Variants in PTPN4 observed in about 807,000 individuals in gnomAD.
The protein encoded by PTPN4 is tyrosine-protein phosphatase non-receptor type 4.
A neutral mutation model predicts 135.5 loss-of-function variants in PTPN4; 49 were observed. That is an observed-to-expected ratio of 0.36 (90% CI 0.29 to 0.46). The LOEUF (loss-of-function observed/expected upper bound fraction) is 0.46. Ranked by LOEUF, PTPN4 falls within the 20% of genes least tolerant of loss-of-function variation. The probability of loss-of-function intolerance (pLI) is 1.00; values close to 1 mark genes in which losing one functional copy is unlikely to be tolerated. For missense variants in PTPN4, 860 were observed against 1,101.0 expected, an observed-to-expected ratio of 0.78 and a Z score of 3.10; for synonymous variants, 333 against 369.9, an observed-to-expected ratio of 0.90 and a Z score of 1.14.
intron 2 of PTPN4, among the ~76,000 whole-genome samples, chr2:119,860,783 G>C (rs1445765408): frequency 6.6e-6 from 1 of 152,162 alleles, no homozygotes. Flanking sequence ...GCTCACATCT[G>C]TAATCCCAGC....
chr2:119,928,811 G>A lies in PTPN4; in HGVS notation c.1070+2145G>A, dbSNP rs181795254. On this transcript the variant is annotated intron_variant, in intron 13 of 26. Coordinates refer to ENST00000263708, the MANE Select transcript of PTPN4 (RefSeq NM_002830.4). Reference sequence around the variant, plus strand: ...TAAACAGTGTAGAACGTGCGATGTGGTCACTAGTTGTATGCAGCATATCCT... The same window carrying A: ...TAAACAGTGTAGAACGTGCGATGTGATCACTAGTTGTATGCAGCATATCCT... 9.2e-5 allele frequency among the ~76,000 whole-genome samples: 14 copies of A among 152,038 alleles called. No individual in the cohort carries two copies. The East Asian group carries it at 1.9e-3, about 21-fold the overall frequency.
rs55911315 is a variant in PTPN4, at chr2:119,914,248, A to ATTTTTTTTTTT, written c.765-913_765-903dup. Reference sequence around the variant, plus strand: ...CATAAATACAGTCAATAGTTACTCAATTTTTTTTTTTTTTTTTTTTTTTTT... The same window carrying ATTTTTTTTTTT: ...CATAAATACAGTCAATAGTTACTCAATTTTTTTTTTTTTTTTTTTTTTTTTTTTTTTTTTTT... On this transcript the variant is annotated intron_variant, in intron 10 of 26. Coordinates refer to ENST00000263708, the MANE Select transcript of PTPN4 (RefSeq NM_002830.4). 3.5e-3 allele frequency among the ~76,000 whole-genome samples: 342 copies of ATTTTTTTTTTT among 97,370 alleles called. 38 individuals carry two copies. Among genetic ancestry groups the ATTTTTTTTTTT allele is most frequent in the African/African-American group, 0.019 (320 of 17,016 alleles). 63.9% of individuals were successfully genotyped at this position (97,370 alleles called of 152,430 possible).
chr2:119,969,954 C>A (rs1679505246), intron 26 of PTPN4, among the ~76,000 whole-genome samples: 1 of 152,180 alleles, frequency 6.6e-6, no homozygotes, highest in Admixed American at 6.5e-5. Flanking sequence ...TATTAAAATA[C>A]AATTCACATA....
At chr2:119,799,069 A>G (rs56303543) in intron 1 of PTPN4, among the ~76,000 whole-genome samples, 45,240 of 152,096 alleles carry the variant, frequency 0.3, 6,926 homozygotes, top group African/African-American at 0.36. Context: ...GCTCTATACA[A>G]TCATCTTTCA....
At chr2:119,935,244 G>A in intron 15 of PTPN4, 1 of 300,046 alleles carries the variant, frequency 3.3e-6, no homozygotes, top group South Asian at 9.5e-5. Context: ...TCAAGGAGGA[G>A]GGTAGTTAAA....
intron 15 of PTPN4, among the ~76,000 whole-genome samples, chr2:119,943,756 T>A (rs1225201139): frequency 6.6e-6 from 1 of 151,502 alleles, no homozygotes; most frequent in Non-Finnish European, 1.5e-5. Flanking sequence ...CTAGCTAATT[T>A]TTTTGTATTT....
intron 2 of PTPN4, among the ~76,000 whole-genome samples, chr2:119,844,440 C>T (rs1222639181): frequency 1.3e-5 from 2 of 149,046 alleles, no homozygotes; most frequent in African/African-American, 2.5e-5. Flanking sequence ...GGCGGAGAGG[C>T]TCCTCACTTC....
chr2:119,916,678 A>C, intron 11 of PTPN4: 1 of 152,156 alleles, frequency 6.6e-6, no homozygotes, highest in East Asian at 1.9e-4. Context: ...CCAGTCATTA[A>C]GCCTCCTGGA....
At chr2:119,810,929 G>A (rs1385974639) in intron 2 of PTPN4, among the ~76,000 whole-genome samples, 1 of 151,884 alleles carries the variant, frequency 6.6e-6, no homozygotes, top group Non-Finnish European at 1.5e-5. Context: ...AATAATATAT[G>A]CAGTCTGTAT....
At chr2:119,803,535 G>A (rs1207046102) in intron 1 of PTPN4, among the ~76,000 whole-genome samples, 5 of 152,096 alleles carry the variant, frequency 3.3e-5, no homozygotes, top group Non-Finnish European at 7.4e-5. Context: ...AATACATTTT[G>A]CATAATTTCA....
chr2:119,767,435 A>G (rs1217437602), intron 1 of PTPN4, among the ~76,000 whole-genome samples: 2 of 152,222 alleles, frequency 1.3e-5, no homozygotes, highest in African/African-American at 2.4e-5. Flanking sequence ...ACAATCTCCT[A>G]CATAACCGCC....
In PTPN4 at chr2:119,962,718, A is replaced by C. The variant is rs1341829147; in HGVS notation, c.2383A>C (p.Arg795=). 1.9e-6 allele frequency: 3 copies of C among 1,586,542 alleles called. No homozygotes were observed. The highest frequency in any genetic ancestry group is 1.7e-6 in the Non-Finnish European group (2 of 1,161,346). ...AGAAGGAAACACTGCCTATATCTTC[A>C]GGAAGATGACCCTATTTAACCAAGA... is the stretch of plus-strand genomic sequence containing the variant. The part of the protein sequence containing the change: ...SEEGNTAYIF[R]KMTLFNQEKN... Residue 795 remains arginine (R), a synonymous_variant, in exon 24 of 27, where the codon AGG becomes CGG. Transcript: ENST00000263708.
At chr2:119,844,201 G>A (rs1375182226) in intron 2 of PTPN4, among the ~76,000 whole-genome samples, 2 of 125,756 alleles carry the variant, frequency 1.6e-5, no homozygotes, top group Non-Finnish European at 3.4e-5. Context: ...CGGGCAGAGG[G>A]GCTCCTCACT....
At chr2:119,869,609 A>G (rs1472329753) in intron 3 of PTPN4, among the ~76,000 whole-genome samples, 2 of 152,034 alleles carry the variant, frequency 1.3e-5, no homozygotes, top group African/African-American at 4.8e-5. Context: ...TGACACCTCA[A>G]GTTAGTAAGG....
intron 1 of PTPN4, among the ~76,000 whole-genome samples, chr2:119,780,307 C>T (rs1468809640): frequency 6.6e-6 from 1 of 152,128 alleles, no homozygotes; most frequent in Non-Finnish European, 1.5e-5. Context: ...TAAACACATT[C>T]TTCTATGTAG....
chr2:119,824,373 GAC>G (rs1447637303), intron 2 of PTPN4, among the ~76,000 whole-genome samples: 1 of 152,158 alleles, frequency 6.6e-6, no homozygotes, highest in Non-Finnish European at 1.5e-5. Flanking sequence ...AAAAAATTGA[GAC>G]ATTCTGTGTT....
chr2:119,943,087 G>T (rs1679082873), intron 15 of PTPN4, among the ~76,000 whole-genome samples: 1 of 152,178 alleles, frequency 6.6e-6, no homozygotes, highest in Admixed American at 6.5e-5. Context: ...CTGTTCACTT[G>T]CTTCTTTTGC....
At chr2:119,899,779 A>G (rs2105014353) in intron 9 of PTPN4, among the ~76,000 whole-genome samples, 1 of 152,282 alleles carries the variant, frequency 6.6e-6, no homozygotes, top group South Asian at 2.1e-4. Context: ...TGCTAGTCAA[A>G]GGCAGCCATG....
intron 1 of PTPN4, among the ~76,000 whole-genome samples, chr2:119,767,263 A>G (rs1690645138): frequency 6.6e-6 from 1 of 152,044 alleles, no homozygotes; most frequent in Admixed American, 6.5e-5. Flanking sequence ...CAACCTCATC[A>G]TCTCTCATTT....
Sources: allele counts gnomAD v4.1 joint callset (sites outside exome capture counted in the v4.1 genomes callset), GRCh38; gene constraint gnomAD v4.1.1; transcripts MANE v1.5; gene names NCBI Gene and HGNC (gene_info 2026-07-23, HGNC 2026-07-21).